IPO11: variants seen among roughly 807,000 people sequenced by gnomAD.
IPO11 encodes the protein importin-11.
In IPO11, 66 loss-of-function variants were observed where a neutral mutation model predicts 143.2. The ratio of observed to expected loss-of-function variants is 0.46; its 90% confidence interval spans 0.38 to 0.57. The LOEUF (loss-of-function observed/expected upper bound fraction) is 0.57, where lower values mean the gene tolerates loss of function less well. Among genes scored for constraint, IPO11 ranks in the 20% least tolerant of loss-of-function variants. The pLI, the probability that IPO11 is intolerant of heterozygous loss-of-function variation, is 0.00. For missense variants in IPO11, 1,026 were observed against 1,141.0 expected, an observed-to-expected ratio of 0.90 and a Z score of 1.45; for synonymous variants, 385 against 377.8, an observed-to-expected ratio of 1.02 and a Z score of -0.22.
chr5:62,545,116 A>G (rs1315314656), intron 24 of IPO11, among the ~76,000 whole-genome samples: 5 of 152,150 alleles, frequency 3.3e-5, no homozygotes, highest in African/African-American at 1.2e-4. Context: ...TTCATATGGA[A>G]CCAAAAAAGA....
intron 5 of IPO11, among the ~76,000 whole-genome samples, chr5:62,455,758 C>CTT (rs879895100): frequency 7.6e-5 from 11 of 145,202 alleles, no homozygotes; most frequent in East Asian, 4.0e-4. Flanking sequence ...AAAAGGAATT[C>CTT]TTTTTTTTTT....
intron 22 of IPO11, among the ~76,000 whole-genome samples, chr5:62,533,377 A>G (rs1742625131): frequency 6.6e-6 from 1 of 151,688 alleles, no homozygotes; most frequent in African/African-American, 2.4e-5. Flanking sequence ...GCCCCAGCTA[A>G]TTTTTTGTAT....
At chr5:62,482,017 G>T (rs894768392) in intron 9 of IPO11, among the ~76,000 whole-genome samples, 1 of 152,104 alleles carries the variant, frequency 6.6e-6, no homozygotes, top group African/African-American at 2.4e-5. Flanking sequence ...TTTAGTCTTG[G>T]GAGGGTGTAT....
intron 20 of IPO11, among the ~76,000 whole-genome samples, chr5:62,518,769 G>A (rs1010282123): frequency 6.6e-6 from 1 of 152,144 alleles, no homozygotes; most frequent in Non-Finnish European, 1.5e-5. Context: ...TCTTTGAAGA[G>A]GGTGGTCACT....
chr5:62,565,979 T>G (rs1743924587), intron 27 of IPO11, among the ~76,000 whole-genome samples: 1 of 152,206 alleles, frequency 6.6e-6, no homozygotes, highest in Non-Finnish European at 1.5e-5. Flanking sequence ...TATGGCTGCA[T>G]AGTATTCCAT....
chr5:62,532,831 A>G (rs1742603905), intron 22 of IPO11, among the ~76,000 whole-genome samples: 2 of 152,218 alleles, frequency 1.3e-5, no homozygotes, highest in South Asian at 4.1e-4. Flanking sequence ...CCATTTAAAA[A>G]TTATCCTACC....
At chr5:62,566,192 A>G (rs1743933134) in intron 27 of IPO11, among the ~76,000 whole-genome samples, 1 of 152,146 alleles carries the variant, frequency 6.6e-6, no homozygotes, top group African/African-American at 2.4e-5. Flanking sequence ...TAGATCCTTG[A>G]GGAATTGCCA....
At chr5:62,587,087 A>G (rs1341465320) in intron 27 of IPO11, among the ~76,000 whole-genome samples, 1 of 151,630 alleles carries the variant, frequency 6.6e-6, no homozygotes, top group Non-Finnish European at 1.5e-5. Context: ...ATCACACAGG[A>G]TGGCAGTTTC....
Position 62,555,459 on chromosome 5 carries a change from C to T in IPO11, c.2460+4123C>T, listed in dbSNP as rs568307765. ...TCCCAAGTAGCTGTGACTACAGATG[C>T]GTGCCACCACACCTGGCTAATTATT... On this transcript the variant is annotated intron_variant, in intron 26 of 29. Transcript: ENST00000325324. 1.4e-4 allele frequency among the ~76,000 whole-genome samples: 21 copies of T among 150,386 alleles called. 1 individual carries two copies. The South Asian group carries it at 4.0e-3, about 29-fold the overall frequency.
At chr5:62,480,355 T>G (rs1252607668) in intron 9 of IPO11, among the ~76,000 whole-genome samples, 1 of 152,204 alleles carries the variant, frequency 6.6e-6, no homozygotes, top group Admixed American at 6.5e-5. Context: ...TGTAGTATAG[T>G]TTGAAGTCAG....
chr5:62,606,446 A>T (rs1033343406), intron 29 of IPO11, among the ~76,000 whole-genome samples: 2 of 136,168 alleles, frequency 1.5e-5, no homozygotes, highest in African/African-American at 5.6e-5. Context: ...TGCCACTGGT[A>T]CTCCAGCCTA....
intron 20 of IPO11, among the ~76,000 whole-genome samples, chr5:62,516,355 G>A (rs1403417799): frequency 6.6e-6 from 1 of 151,816 alleles, no homozygotes; most frequent in African/African-American, 2.4e-5. Context: ...GCACAGTGGC[G>A]CGATCTTGGC....
Position 62,530,701 on chromosome 5 carries a change from C to CT in IPO11, c.2013-6dup. On this transcript the variant is annotated splice_region_variant and splice_polypyrimidine_tract_variant and intron_variant, in intron 21 of 29. Transcript: ENST00000325324. The stretch of plus-strand genomic sequence containing the variant: ...AAAGTGGTTTAATCATCTGTTTTTC[C>CT]TTCCTAGGTTAGTAACTTTGGAAAA... 2 of 1,602,940 alleles carry CT rather than the reference C, an allele frequency of 1.2e-6. No individual in the cohort carries two copies. The highest frequency in any genetic ancestry group is 1.7e-6 in the Non-Finnish European group (2 of 1,170,934).
At chr5:62,457,435 G>A (rs968791612) in intron 5 of IPO11, among the ~76,000 whole-genome samples, 1 of 152,178 alleles carries the variant, frequency 6.6e-6, no homozygotes, top group Non-Finnish European at 1.5e-5. Flanking sequence ...AGTGATATAT[G>A]ATTGTACTAG....
In IPO11 at chr5:62,567,915, T is replaced by A. The variant is rs542485093; in HGVS notation, c.2582+6658T>A. The stretch of plus-strand genomic sequence containing the variant: ...GATCTCGTAAGCCTTATTCATTTGT[T>A]TTCAATTTTTCTCCTCCTTTGATTG... On this transcript the variant is annotated intron_variant, in intron 27 of 29. Coordinates refer to ENST00000325324, the MANE Select transcript of IPO11 (RefSeq NM_016338.5). Among the ~76,000 whole-genome samples, 5 of 151,562 alleles carry A rather than the reference T, an allele frequency of 3.3e-5. No individual in the cohort carries two copies. In the South Asian group the frequency reaches 1.0e-3, roughly 32 times the overall value.
rs573662421 is a variant in IPO11, at chr5:62,545,401, G to A, written c.2251-4966G>A. ...TGGGAAAACTGGCTAGCCATATGTA[G>A]AAAGCTGAAACTGGATCCCTTCCTT... On this transcript the variant is annotated intron_variant, in intron 24 of 29. Transcript: ENST00000325324. Among the ~76,000 whole-genome samples, 6 of 152,304 alleles carry A rather than the reference G, an allele frequency of 3.9e-5. No homozygotes were observed. The East Asian group carries it at 1.2e-3, about 29-fold the overall frequency.
intron 27 of IPO11, among the ~76,000 whole-genome samples, chr5:62,591,023 C>A (rs754559439): frequency 2.6e-5 from 4 of 152,142 alleles, no homozygotes; most frequent in Non-Finnish European, 5.9e-5. Context: ...GTCTTGAACT[C>A]CTGGCCTCAA....
intron 26 of IPO11, among the ~76,000 whole-genome samples, chr5:62,555,764 A>G (rs1027315302): frequency 2.6e-5 from 4 of 151,882 alleles, no homozygotes; most frequent in South Asian, 2.1e-4. Flanking sequence ...CGGCCTCCCA[A>G]TGTGTTGGGG....
At chr5:62,437,915 G>A (rs1295555418) in intron 2 of IPO11, among the ~76,000 whole-genome samples, 1 of 152,166 alleles carries the variant, frequency 6.6e-6, no homozygotes, top group Non-Finnish European at 1.5e-5. Context: ...AACAATATGT[G>A]CTTTAAATTA....
Sources: allele counts gnomAD v4.1 joint callset (sites outside exome capture counted in the v4.1 genomes callset), GRCh38; gene constraint gnomAD v4.1.1; transcripts MANE v1.5; gene names NCBI Gene and HGNC (gene_info 2026-07-23, HGNC 2026-07-21).